TRPM5: variants seen among roughly 807,000 people sequenced by gnomAD.
The protein encoded by TRPM5 is transient receptor potential cation channel subfamily M member 5.
In TRPM5, 121 loss-of-function variants were observed where a neutral mutation model predicts 124.9. That is an observed-to-expected ratio of 0.97 (90% CI 0.84 to 1.13). The LOEUF (loss-of-function observed/expected upper bound fraction) is 1.13, where lower values mean the gene tolerates loss of function less well. TRPM5 is among the 50% of genes most tolerant of loss of function. TRPM5 has a pLI of 0.00. For missense variants in TRPM5, 1,643 were observed against 1,589.1 expected (o/e 1.03, Z -0.58); for synonymous variants, 781 against 700.5 (o/e 1.11, Z -1.81).
At chr11:2,414,149 C>A (rs199989564) in exon 12 of TRPM5, 3 of 1,608,600 alleles carry the variant, frequency 1.9e-6, no homozygotes, top group Non-Finnish European at 8.5e-7. Context: ...GCGGTTCCGG[C>A]GCACCAGCAG....
At chr11:2,437,230 C>A in the TRPM5 span, among the ~76,000 whole-genome samples, 62 of 151,814 alleles carry the variant, frequency 4.1e-4, no homozygotes, top group Non-Finnish European at 5.1e-4. This position sits in a 1 kb window ranked among gnomAD's most constrained non-coding sequence, Gnocchi z 5.6. Context: ...CTCAGTCTTC[C>A]CTGGCTGGTT....
the TRPM5 span, among the ~76,000 whole-genome samples, chr11:2,429,883 A>G: frequency 6.6e-5 from 10 of 152,066 alleles, no homozygotes; most frequent in Admixed American, 1.3e-4. This position sits in a 1 kb window ranked among gnomAD's most constrained non-coding sequence, Gnocchi z 8.4. Context: ...TGCTGTTCTC[A>G]TGATAGTGAG....
the TRPM5 span, among the ~76,000 whole-genome samples, chr11:2,430,088 G>C: frequency 1.3e-5 from 2 of 152,072 alleles, no homozygotes; most frequent in Non-Finnish European, 2.9e-5. Flanking sequence ...AGCCAACTCT[G>C]GTTCAGTGCC....
upstream of TRPM5, among the ~76,000 whole-genome samples, chr11:2,423,468 C>A (rs1431095901): frequency 6.6e-6 from 1 of 152,064 alleles, no homozygotes; most frequent in Admixed American, 6.5e-5. Flanking sequence ...CACAGCCCAC[C>A]CGCTCCCAGG....
chr11:2,407,293 A>G lies in TRPM5; in HGVS notation c.2944T>C (p.Phe982Leu), dbSNP rs1280350472. The change falls in exon 20 of 24, where the codon TTC becomes CTC. Residue 982 changes from phenylalanine to leucine, a missense_variant. Phe to Leu is a conservative substitution (Grantham distance 22, BLOSUM62 0). Coordinates refer to ENST00000155858, the Ensembl canonical transcript of TRPM5. ...TCTGCGTTGCCCTGCACCACCTGGA[A>G]CGTGTAGCTGCAGGGGCACAGCTGA... is the stretch of plus-strand genomic sequence containing the variant. 1.6e-5 allele frequency: 26 copies of G among 1,609,280 alleles called. No homozygotes were observed. The Admixed American group carries it at 4.4e-4, about 27-fold the overall frequency.
At chr11:2,421,250 A>C (rs953330594) in intron 2 of TRPM5, 52 bp from the exon 8 acceptor site, 1 of 1,510,674 alleles carries the variant, frequency 6.6e-7, no homozygotes, top group African/African-American at 1.4e-5. Flanking sequence ...GGTCTTCCCT[A>C]GCTGGCCCCA....
Position 2,415,059 on chromosome 11 carries a change from G to GGGC in TRPM5, c.1480-15_1480-13dup, listed in dbSNP as rs757217558. ...GCCGGGCCCTTCTCCTGGAGGACAC[G>GGGC]GGCGTCGGCCTCCTGCTGCGGCCCC... On this transcript the variant is annotated splice_polypyrimidine_tract_variant and intron_variant, in intron 9 of 23. Transcript: ENST00000155858. 1 of 1,596,766 alleles carries GGGC rather than the reference G, an allele frequency of 6.3e-7. No individual in the cohort carries two copies. The highest frequency in any genetic ancestry group is 1.1e-5 in the South Asian group (1 of 90,524).
exon 24 of TRPM5, chr11:2,404,967 G>C (rs140514929): frequency 3.5e-5 from 57 of 1,612,628 alleles, no homozygotes; most frequent in Non-Finnish European, 4.5e-5. Flanking sequence ...GGCCAGCCCC[G>C]GGTTGTTCCC....
intron 20 of TRPM5, 107 bp from the exon 26 acceptor site, chr11:2,406,900 G>A: frequency 2.7e-6 from 4 of 1,477,478 alleles, no homozygotes; most frequent in Non-Finnish European, 3.6e-6. Context: ...GAGTGAGTGG[G>A]GCCCAGCCAG....
chr11:2,408,704 G>A (rs890955675), intron 18 of TRPM5, among the ~76,000 whole-genome samples: 2 of 152,226 alleles, frequency 1.3e-5, no homozygotes, highest in Non-Finnish European at 2.9e-5. Flanking sequence ...AGCCTGCGGG[G>A]CAGGAGGAGG....
intron 15 of TRPM5, 144 bp from the exon 21 acceptor site, chr11:2,412,397 G>A (rs1850470753): frequency 1.0e-5 from 7 of 686,524 alleles, no homozygotes; most frequent in Non-Finnish European, 1.8e-5. Context: ...GGGGTCCACT[G>A]AAGCTATTCC....
chr11:2,412,832 C>T (rs371789066), exon 15 of TRPM5: 36 of 1,603,130 alleles, frequency 2.2e-5, no homozygotes, highest in African/African-American at 9.4e-5. Context: ...CCTGGGGGGG[C>T]GGCCTGAAGT....
intron 1 of TRPM5, 130 bp from the exon 7 acceptor site, chr11:2,422,451 G>C (rs992913083): frequency 1.2e-4 from 77 of 652,662 alleles, no homozygotes; most frequent in Admixed American, 2.8e-4. Context: ...GCACTGGGAG[G>C]TGCTGGGCAT....
At chr11:2,420,250 GTGCTTC>G in exon 4 of TRPM5, 2 of 1,609,128 alleles carry the variant, frequency 1.2e-6, no homozygotes, top group Non-Finnish European at 1.7e-6. Flanking sequence ...GCTCCGAGAT[GTGCTTC>G]TCCAGCCTCA....
chr11:2,412,297 C>T (rs201926782), intron 15 of TRPM5, 44 bp from the exon 21 acceptor site: 1 of 1,400,486 alleles, frequency 7.1e-7, no homozygotes, highest in South Asian at 1.2e-5. Context: ...TCCAGCCGCC[C>T]TCGCTGGGGA....
At chr11:2,436,828 T>C in the TRPM5 span, among the ~76,000 whole-genome samples, 2 of 152,216 alleles carry the variant, frequency 1.3e-5, no homozygotes, top group African/African-American at 4.8e-5. Flanking sequence ...ACAGGGAGCA[T>C]GAGACCAGCT....
At chr11:2,429,941 C>T in the TRPM5 span, among the ~76,000 whole-genome samples, 1 of 152,068 alleles carries the variant, frequency 6.6e-6, no homozygotes, top group Non-Finnish European at 1.5e-5. The surrounding 1 kb of genome is among the most constrained non-coding windows in gnomAD (Gnocchi z 8.4). Context: ...GGCATTTCCC[C>T]TCACTCCATC....
At chr11:2,434,333 T>G in the TRPM5 span, among the ~76,000 whole-genome samples, 1 of 150,904 alleles carries the variant, frequency 6.6e-6, no homozygotes, top group South Asian at 2.1e-4. Context: ...TGTGTGCAAA[T>G]GCTGTGTGTG....
chr11:2,415,437 A>G, exon 9 of TRPM5: 2 of 1,587,248 alleles, frequency 1.3e-6, no homozygotes, highest in Middle Eastern at 1.7e-4. Context: ...GTTGCTGACC[A>G]GGGCGTCCAC....
Sources: gnomAD v4.1 joint callset for allele counts (sites outside exome capture counted in the v4.1 genomes callset) on GRCh38, gnomAD v4.1.1 for gene constraint, Gnocchi (gnomAD v3.1) non-coding constraint, MANE v1.5 for transcripts, NCBI Gene and HGNC (gene_info 2026-07-23, HGNC 2026-07-21) for gene names.